The following TMEM132C variants were observed in gnomAD, a reference collection of about 807,000 sequenced individuals.
TMEM132C encodes the protein transmembrane protein 132C, also known as protein phosphatase 1, regulatory subunit 152.
Under a neutral mutation model 61.4 loss-of-function variants are expected in TMEM132C, and 29 were observed. The observed-to-expected ratio is 0.47, with a 90% confidence interval of 0.35 to 0.64. The LOEUF (loss-of-function observed/expected upper bound fraction) is 0.64, where lower values mean the gene tolerates loss of function less well. TMEM132C is among the 30% of genes least tolerant of loss of function. The pLI is 0.00. For synonymous variants in TMEM132C, 656 were observed against 633.1 expected, an observed-to-expected ratio of 1.04 and a Z score of -0.54; for missense variants, 1,408 against 1,476.9, an observed-to-expected ratio of 0.95 and a Z score of 0.76.
At chr12:128,528,285 C>T (rs1873162896) in intron 2 of TMEM132C, among the ~76,000 whole-genome samples, 1 of 152,190 alleles carries the variant, frequency 6.6e-6, no homozygotes, top group Non-Finnish European at 1.5e-5. Flanking sequence ...CTTTGAAACT[C>T]TCCTGGACCA....
chr12:128,542,880 A>AG (rs1873809555), intron 2 of TMEM132C, among the ~76,000 whole-genome samples: 1 of 150,282 alleles, frequency 6.7e-6, no homozygotes, highest in African/African-American at 2.4e-5. Flanking sequence ...AAAAAAAAAA[A>AG]AATGTGCTGG....
At chr12:128,445,197 T>A (rs1217424307) in intron 2 of TMEM132C, among the ~76,000 whole-genome samples, 1 of 149,260 alleles carries the variant, frequency 6.7e-6, no homozygotes, top group African/African-American at 2.5e-5. Context: ...AAATGTTACA[T>A]AAAAAAAAAA....
At chr12:128,687,158 C>A (rs1314909815) in intron 5 of TMEM132C, among the ~76,000 whole-genome samples, 1 of 138,906 alleles carries the variant, frequency 7.2e-6, no homozygotes, top group Non-Finnish European at 1.5e-5. Context: ...GCCGAGATGG[C>A]GCCATTGCAC....
At chr12:128,682,586 C>T (rs1309269108) in intron 5 of TMEM132C, among the ~76,000 whole-genome samples, 1 of 152,226 alleles carries the variant, frequency 6.6e-6, no homozygotes, top group Non-Finnish European at 1.5e-5. Context: ...TTAACACTCT[C>T]TGTGTGTAGG....
intron 1 of TMEM132C, among the ~76,000 whole-genome samples, chr12:128,289,659 G>C (rs537701533): frequency 4.6e-5 from 7 of 152,180 alleles, no homozygotes; most frequent in Non-Finnish European, 8.8e-5. Flanking sequence ...TTTTAAATCA[G>C]CATTTTCTAA....
intron 2 of TMEM132C, among the ~76,000 whole-genome samples, chr12:128,517,148 T>C (rs1832029422): frequency 6.6e-6 from 1 of 151,572 alleles, no homozygotes; most frequent in Non-Finnish European, 1.5e-5. Context: ...GGAGAATCGC[T>C]TGAACCCAGG....
At chr12:128,526,547 C>T (rs750740975) in intron 2 of TMEM132C, among the ~76,000 whole-genome samples, 19 of 152,136 alleles carry the variant, frequency 1.2e-4, no homozygotes, top group Middle Eastern at 3.2e-3. Flanking sequence ...GCAAACATTC[C>T]GACTATAGCA....
intron 3 of TMEM132C, among the ~76,000 whole-genome samples, chr12:128,604,059 G>A (rs1876303278): frequency 6.6e-6 from 1 of 152,172 alleles, no homozygotes; most frequent in Admixed American, 6.5e-5. Flanking sequence ...TCTCTCCCTG[G>A]TGGAATTTGC....
intron 2 of TMEM132C, among the ~76,000 whole-genome samples, chr12:128,505,494 G>A (rs915985858): frequency 2.0e-5 from 3 of 152,140 alleles, no homozygotes; most frequent in South Asian, 2.1e-4. Flanking sequence ...CTTCCGGGAT[G>A]AAATTGGGGC....
At chr12:128,414,451 C>T (rs1868682753) in intron 1 of TMEM132C, among the ~76,000 whole-genome samples, 1 of 152,168 alleles carries the variant, frequency 6.6e-6, no homozygotes, top group African/African-American at 2.4e-5. Flanking sequence ...TACCATCATT[C>T]TGTTAAGTTG....
At chr12:128,622,944 A>G (rs188504063) in intron 4 of TMEM132C, among the ~76,000 whole-genome samples, 1 of 152,320 alleles carries the variant, frequency 6.6e-6, no homozygotes, top group Admixed American at 6.5e-5. Flanking sequence ...ATATTTGCTC[A>G]GTTGAAAAAT....
intron 3 of TMEM132C, among the ~76,000 whole-genome samples, chr12:128,567,371 A>G (rs1185802055): frequency 2.0e-5 from 3 of 151,794 alleles, no homozygotes; most frequent in Non-Finnish European, 4.4e-5. Flanking sequence ...AGTTAATAAT[A>G]CTGTGTTGTT....
chr12:128,627,766 C>T (rs1460780755), intron 4 of TMEM132C, among the ~76,000 whole-genome samples: 4 of 152,208 alleles, frequency 2.6e-5, no homozygotes, highest in Admixed American at 2.0e-4. Flanking sequence ...TGCAGCTCTG[C>T]TCTGCAGTGT....
intron 2 of TMEM132C, among the ~76,000 whole-genome samples, chr12:128,536,577 A>G (rs753845965): frequency 2.6e-4 from 39 of 151,766 alleles, no homozygotes; most frequent in Non-Finnish European, 4.9e-4. Context: ...TATTGCTGCT[A>G]TGAGGGTTGG....
chr12:128,340,928 CTCTCTCTCTCTCTCTCTT>C (rs1402402920), intron 1 of TMEM132C, among the ~76,000 whole-genome samples: 27 of 133,152 alleles, frequency 2.0e-4, no homozygotes, highest in African/African-American at 8.8e-4. Flanking sequence ...CTCTCTCTCT[CTCTCTCTCTCTCTCTCTT>C]TCTTTCTTTC....
At chr12:128,545,997 C>T (rs1347077111) in intron 3 of TMEM132C, among the ~76,000 whole-genome samples, 3 of 152,186 alleles carry the variant, frequency 2.0e-5, no homozygotes, top group African/African-American at 7.2e-5. Context: ...AAATTCTCTG[C>T]TTGGTTTAGA....
At chr12:128,540,055 C>A (rs1219471965) in intron 2 of TMEM132C, among the ~76,000 whole-genome samples, 2 of 152,130 alleles carry the variant, frequency 1.3e-5, no homozygotes, top group Non-Finnish European at 2.9e-5. Context: ...TCCACTTCGT[C>A]TTTTCTCTGC....
At chr12:128,610,448 TTG>T (rs1876593306) in intron 3 of TMEM132C, among the ~76,000 whole-genome samples, 3 of 152,228 alleles carry the variant, frequency 2.0e-5, no homozygotes. Context: ...CCAAACTTTA[TTG>T]TGACTGTTGG....
chr12:128,531,105 T>C (rs986779296), intron 2 of TMEM132C, among the ~76,000 whole-genome samples: 2 of 90,872 alleles, frequency 2.2e-5, no homozygotes, highest in African/African-American at 1.3e-4. Flanking sequence ...AATTGTTTTA[T>C]GAAGAAACAT....
Sources: gnomAD v4.1 joint callset for allele counts (sites outside exome capture counted in the v4.1 genomes callset) on GRCh38, gnomAD v4.1.1 for gene constraint, MANE v1.5 for transcripts, NCBI Gene and HGNC (gene_info 2026-07-23, HGNC 2026-07-21) for gene names.